The following LSAMP variants were observed in gnomAD, a reference collection of about 807,000 sequenced individuals.
LSAMP encodes the protein limbic system associated membrane protein.
A neutral mutation model predicts 38.6 loss-of-function variants in LSAMP; 7 were observed. The observed-to-expected ratio is 0.18, with a 90% confidence interval of 0.10 to 0.34. The LOEUF is 0.34. Ranked by LOEUF, LSAMP falls within the 10% of genes least tolerant of loss-of-function variation. The pLI, the probability that LSAMP is intolerant of heterozygous loss-of-function variation, is 1.00. For missense variants in LSAMP, 313 were observed against 420.0 expected (o/e 0.75, Z 2.23); for synonymous variants, 154 against 166.8 (o/e 0.92, Z 0.59).
At position 116,154,926 on chromosome 3, in the gene LSAMP, A is replaced by G. The variant is rs931410126; in HGVS notation, c.156-68370T>C. Among the ~76,000 whole-genome samples the G allele has an allele frequency of 7.9e-5, 12 of 152,248 alleles. 1 individual carries two copies. Among genetic ancestry groups the G allele is most frequent in the Admixed American group, 7.9e-4 (12 of 15,284 alleles). On this transcript the variant is annotated intron_variant, in intron 1 of 6. Coordinates refer to ENST00000490035, the MANE Select transcript of LSAMP (RefSeq NM_002338.5). The stretch of plus-strand genomic sequence containing the variant: ...AGGAGTGTATACAATTTATGCATAA[A>G]CATATACATATTTGGAGTATATTGT...
chr3:115,853,868 G>A (rs1305673401), intron 3 of LSAMP, among the ~76,000 whole-genome samples: 1 of 152,110 alleles, frequency 6.6e-6, no homozygotes, highest in Non-Finnish European at 1.5e-5. Context: ...CTACTAAATG[G>A]TACCAGTCAT....
rs193092283 is a variant in LSAMP, at chr3:116,094,687, G to A, written c.156-8131C>T. ...TGTAAATATATTACCACATGATTCA[G>A]AAATCTGTGTACTGTGTACTGCTGA... is the stretch of plus-strand genomic sequence containing the variant. On this transcript the variant is annotated intron_variant, in intron 1 of 6. Transcript: ENST00000490035. 2.5e-3 allele frequency among the ~76,000 whole-genome samples: 384 copies of A among 152,320 alleles called. 1 individual carries two copies. Among genetic ancestry groups the A allele is most frequent in the African/African-American group, 8.9e-3 (369 of 41,582 alleles).
chr3:116,031,291 G>T (rs146053850), intron 2 of LSAMP, among the ~76,000 whole-genome samples: 1 of 152,158 alleles, frequency 6.6e-6, no homozygotes, highest in African/African-American at 2.4e-5. Flanking sequence ...ATGAGAAAAG[G>T]TGATGAGGGG....
chr3:116,379,515 T>TAACTGTACTCTTG (rs2048532179), intron 1 of LSAMP, among the ~76,000 whole-genome samples: 1 of 151,964 alleles, frequency 6.6e-6, no homozygotes, highest in Non-Finnish European at 1.5e-5. Flanking sequence ...ATGGGAAGAC[T>TAACTGTACTCTTG]TTGAAGAGTT....
chr3:116,336,729 T>C (rs752006155), intron 1 of LSAMP, among the ~76,000 whole-genome samples: 4 of 151,936 alleles, frequency 2.6e-5, no homozygotes, highest in Non-Finnish European at 4.4e-5. Context: ...GAAAACAGTA[T>C]GGCAATGCCT....
intron 4 of LSAMP, among the ~76,000 whole-genome samples, chr3:115,844,821 C>T (rs1361202991): frequency 6.6e-6 from 1 of 151,942 alleles, no homozygotes; most frequent in African/African-American, 2.4e-5. Flanking sequence ...TACTAAAATA[C>T]AAAAAACTAG....
At chr3:116,285,451 T>A (rs1171566426) in intron 1 of LSAMP, among the ~76,000 whole-genome samples, 1 of 152,150 alleles carries the variant, frequency 6.6e-6, no homozygotes, top group African/African-American at 2.4e-5. Context: ...TTCTTCTCCC[T>A]GGAATGTTTT....
intron 3 of LSAMP, among the ~76,000 whole-genome samples, chr3:115,855,763 C>G (rs1166275408): frequency 1.3e-5 from 2 of 152,180 alleles, no homozygotes; most frequent in African/African-American, 4.8e-5. Context: ...GCTCTCAACC[C>G]AAGGGTCCTG....
chr3:116,322,988 T>G (rs530570039), intron 1 of LSAMP, among the ~76,000 whole-genome samples: 2 of 152,184 alleles, frequency 1.3e-5, no homozygotes, highest in South Asian at 4.1e-4. Context: ...ATATCTAAAA[T>G]TGAGAAAGTG....
At chr3:116,003,114 CG>C (rs1300018931) in intron 3 of LSAMP, among the ~76,000 whole-genome samples, 1 of 152,076 alleles carries the variant, frequency 6.6e-6, no homozygotes, top group Non-Finnish European at 1.5e-5. Flanking sequence ...TATCTCTTTA[CG>C]GTGTGCAACA....
At chr3:116,006,661 A>G (rs989915335) in intron 3 of LSAMP, among the ~76,000 whole-genome samples, 1 of 152,266 alleles carries the variant, frequency 6.6e-6, no homozygotes, top group Admixed American at 6.5e-5. Flanking sequence ...TCTAAATTCC[A>G]GAGTTACTCA....
chr3:115,803,509 C>T lies in LSAMP; in HGVS notation c.*6808G>A, dbSNP rs1480617981. On this transcript the variant is annotated 3_prime_UTR_variant, in exon 7 of 7. Transcript: ENST00000490035. ...TTAATTGCTTGAGAAATCATCCTTT[C>T]TGCTTACCCTTTTCTCAGAGAACCT... 1 of 152,244 alleles carries T rather than the reference C, an allele frequency of 6.6e-6. No individual in the cohort carries two copies. Among genetic ancestry groups the T allele is most frequent in the Admixed American group, 6.5e-5 (1 of 15,282 alleles). 9.4% of individuals were successfully genotyped at this position (152,244 alleles called of 1,614,324 possible). A position where few individuals can be genotyped will look rare whatever the true frequency, so the allele number is the denominator to read the frequency against.
chr3:116,263,084 T>TAAC (rs1168007137), intron 1 of LSAMP, among the ~76,000 whole-genome samples: 1 of 152,172 alleles, frequency 6.6e-6, no homozygotes, highest in African/African-American at 2.4e-5. Flanking sequence ...AAAGGGAATA[T>TAAC]AACACTATAA....
At chr3:115,930,508 G>C (rs17696601) in intron 3 of LSAMP, among the ~76,000 whole-genome samples, 11,708 of 152,180 alleles carry the variant, frequency 0.077, 520 homozygotes, top group Non-Finnish European at 0.098. Flanking sequence ...TATTCCTAGG[G>C]AAATCAGGCT....
chr3:116,243,213 T>C (rs994516278), intron 1 of LSAMP, among the ~76,000 whole-genome samples: 3 of 152,152 alleles, frequency 2.0e-5, no homozygotes, highest in Admixed American at 6.5e-5. Flanking sequence ...AGATATCAAC[T>C]GAGGCAAAAA....
At chr3:116,174,526 A>T (rs1710288363) in intron 1 of LSAMP, among the ~76,000 whole-genome samples, 1 of 152,058 alleles carries the variant, frequency 6.6e-6, no homozygotes, top group Non-Finnish European at 1.5e-5. Flanking sequence ...CAGTAAAGAA[A>T]ACTGATAACT....
chr3:116,250,605 T>C lies in LSAMP; in HGVS notation c.156-164049A>G, dbSNP rs138863799. On this transcript the variant is annotated intron_variant, in intron 1 of 6. Coordinates refer to ENST00000490035, the MANE Select transcript of LSAMP (RefSeq NM_002338.5). Reference sequence around the variant, plus strand: ...TATCAGGCCTGGTGGCTTAGGCCTGTAATCCCAGCACTTAGGGAGGCTGAC... The same window carrying C: ...TATCAGGCCTGGTGGCTTAGGCCTGCAATCCCAGCACTTAGGGAGGCTGAC... 6.2e-3 allele frequency among the ~76,000 whole-genome samples: 942 copies of C among 151,396 alleles called. 5 individuals are homozygous for C. Among genetic ancestry groups the C allele is most frequent in the Non-Finnish European group, 8.2e-3 (560 of 67,966 alleles).
chr3:116,200,985 T>G (rs1231762175), intron 1 of LSAMP, among the ~76,000 whole-genome samples: 1 of 152,154 alleles, frequency 6.6e-6, no homozygotes, highest in African/African-American at 2.4e-5. Flanking sequence ...AATATGGAGC[T>G]CTGACAGCCA....
At chr3:116,189,869 G>T (rs1350876563) in intron 1 of LSAMP, among the ~76,000 whole-genome samples, 1 of 152,082 alleles carries the variant, frequency 6.6e-6, no homozygotes, top group Non-Finnish European at 1.5e-5. Flanking sequence ...CAATCATTTT[G>T]TAGTTTAAAA....
Sources: allele counts gnomAD v4.1 joint callset (sites outside exome capture counted in the v4.1 genomes callset), GRCh38; gene constraint gnomAD v4.1.1; transcripts MANE v1.5; gene names NCBI Gene and HGNC (gene_info 2026-07-23, HGNC 2026-07-21).